NAALADL2: variants seen among roughly 807,000 people sequenced by gnomAD.
NAALADL2 encodes N-acetylated alpha-linked acidic dipeptidase like 2, also known as inactive N-acetylated-alpha-linked acidic dipeptidase-like protein 2.
In NAALADL2, 76 loss-of-function variants were observed where a neutral mutation model predicts 87.2. The observed-to-expected ratio is 0.87, with a 90% confidence interval of 0.72 to 1.05. The LOEUF (loss-of-function observed/expected upper bound fraction) is 1.05, where lower values mean the gene tolerates loss of function less well. Ranked by LOEUF, NAALADL2 falls within the 50% of genes least tolerant of loss-of-function variation. NAALADL2 has a pLI of 0.00. For missense variants in NAALADL2, 1,089 were observed against 945.8 expected (o/e 1.15, Z -1.99); for synonymous variants, 354 against 331.0 (o/e 1.07, Z -0.75).
At chr3:175,423,005 C>G (rs1715973966) in intron 5 of NAALADL2, among the ~76,000 whole-genome samples, 1 of 119,140 alleles carries the variant, frequency 8.4e-6, no homozygotes, top group Non-Finnish European at 1.7e-5. Flanking sequence ...AGAGATGGCT[C>G]CCAGGTCCTT....
chr3:175,445,698 A>G (rs1184659429), intron 5 of NAALADL2, among the ~76,000 whole-genome samples: 1 of 152,178 alleles, frequency 6.6e-6, no homozygotes, highest in Admixed American at 6.5e-5. Flanking sequence ...TATTATACAT[A>G]TTGTTCAATG....
At chr3:175,158,796 A>T (rs1390360826) in intron 2 of NAALADL2, among the ~76,000 whole-genome samples, 4 of 152,108 alleles carry the variant, frequency 2.6e-5, no homozygotes, top group Non-Finnish European at 5.9e-5. Context: ...AGTTCTTGAA[A>T]TTGTCAGAAA....
chr3:175,366,664 G>T (rs1016262098), intron 5 of NAALADL2, among the ~76,000 whole-genome samples: 3 of 151,522 alleles, frequency 2.0e-5, no homozygotes, highest in Non-Finnish European at 2.9e-5. Flanking sequence ...CTTCTTTTGA[G>T]AAGTGTCTGT....
chr3:175,128,980 C>G (rs1422129918), intron 2 of NAALADL2, among the ~76,000 whole-genome samples: 1 of 151,880 alleles, frequency 6.6e-6, no homozygotes, highest in East Asian at 1.9e-4. Flanking sequence ...ATTCTGTCAC[C>G]CAGGCTGGAA....
chr3:174,886,705 A>G (rs1730195115), intron 1 of NAALADL2, among the ~76,000 whole-genome samples: 1 of 152,202 alleles, frequency 6.6e-6, no homozygotes, highest in African/African-American at 2.4e-5. Context: ...TCTCCCATGC[A>G]TCTATAAGCC....
rs550228470 is a variant in NAALADL2 at position 174,790,640 on chromosome 3, C to T, written c.-9+52894C>T. On this transcript the variant is annotated intron_variant, in intron 3 of 3. Coordinates refer to the NAALADL2 transcript ENST00000434257. Reference sequence around the variant, plus strand: ...TCCAGCCTAGGTGACAAAAGCAAAACTCCATCTCAAAAAAAAAAAAATGTG... The same window carrying T: ...TCCAGCCTAGGTGACAAAAGCAAAATTCCATCTCAAAAAAAAAAAAATGTG... 5.3e-4 allele frequency among the ~76,000 whole-genome samples: 33 copies of T among 62,252 alleles called. No homozygotes were observed. The East Asian group carries it at 0.022, about 41-fold the overall frequency. The allele number at this position is 62,252 out of a possible 152,430, so 40.8% of individuals were successfully genotyped here.
intron 2 of NAALADL2, among the ~76,000 whole-genome samples, chr3:174,657,541 C>G (rs1165592192): frequency 1.3e-5 from 2 of 152,076 alleles, no homozygotes; most frequent in African/African-American, 4.8e-5. Flanking sequence ...ATCCCATATG[C>G]CTGTGCCCCC....
intron 2 of NAALADL2, among the ~76,000 whole-genome samples, chr3:175,190,935 G>A (rs534589395): frequency 1.1e-4 from 16 of 144,084 alleles, no homozygotes; most frequent in African/African-American, 4.1e-4. Flanking sequence ...CCGAGATGGA[G>A]CCACTGCACT....
intron 5 of NAALADL2, among the ~76,000 whole-genome samples, chr3:175,329,683 C>T (rs1248473168): frequency 6.6e-6 from 1 of 152,046 alleles, no homozygotes; most frequent in African/African-American, 2.4e-5. Context: ...TCTGGTGGTT[C>T]TTATATGTGC....
intron 2 of NAALADL2, among the ~76,000 whole-genome samples, chr3:175,134,841 A>T (rs535106161): frequency 6.6e-6 from 1 of 152,198 alleles, no homozygotes; most frequent in Non-Finnish European, 1.5e-5. Flanking sequence ...AAGATAACTG[A>T]TTTTTTAAAA....
intron 3 of NAALADL2, among the ~76,000 whole-genome samples, chr3:174,755,335 T>C (rs531007578): frequency 2.0e-5 from 3 of 152,330 alleles, no homozygotes; most frequent in Non-Finnish European, 4.4e-5. Flanking sequence ...TATTTCTTTA[T>C]AGCAGTGTGA....
intron 2 of NAALADL2, among the ~76,000 whole-genome samples, chr3:175,133,612 C>G (rs545800564): frequency 4.6e-5 from 7 of 152,170 alleles, no homozygotes; most frequent in East Asian, 1.9e-4. Context: ...ATCGCAGGCA[C>G]TCGGCAGGCT....
intron 9 of NAALADL2, among the ~76,000 whole-genome samples, chr3:175,507,031 A>G (rs1357389097): frequency 2.6e-5 from 4 of 151,676 alleles, no homozygotes; most frequent in Non-Finnish European, 5.9e-5. Flanking sequence ...CTTCTCCCAC[A>G]TCCTCAGTCA....
At chr3:175,184,606 A>G (rs1207095615) in intron 2 of NAALADL2, among the ~76,000 whole-genome samples, 3 of 151,992 alleles carry the variant, frequency 2.0e-5, no homozygotes, top group African/African-American at 7.2e-5. Flanking sequence ...AAATAAGTGA[A>G]GATAATTAAA....
Position 174,901,329 on chromosome 3 carries a change from G to C in NAALADL2, c.43+41879G>C, listed in dbSNP as rs187947934. Among the ~76,000 whole-genome samples the C allele has an allele frequency of 3.9e-3, 595 of 152,272 alleles. 5 individuals are homozygous for C. Among genetic ancestry groups the C allele is most frequent in the Non-Finnish European group, 6.1e-3 (414 of 68,018 alleles). On this transcript the variant is annotated intron_variant, in intron 1 of 13. Transcript: ENST00000454872. ...ATTGATTATCTGAGATATAGATGGA[G>C]CTTGTGAGAAGTACATGAGCCCTGT...
intron 3 of NAALADL2, among the ~76,000 whole-genome samples, chr3:174,793,785 G>A (rs1287242284): frequency 6.6e-6 from 1 of 150,394 alleles, no homozygotes; most frequent in Non-Finnish European, 1.5e-5. Flanking sequence ...TTTGAAAAAA[G>A]TTTTATGTTA....
chr3:174,924,456 T>C (rs1735689415), intron 1 of NAALADL2, among the ~76,000 whole-genome samples: 1 of 152,100 alleles, frequency 6.6e-6, no homozygotes. Context: ...TAATCCAGTC[T>C]ATCATTGACG....
chr3:174,536,588 G>T (rs886607951), intron 1 of NAALADL2: 3 of 152,084 alleles, frequency 2.0e-5, no homozygotes, highest in African/African-American at 7.2e-5. Context: ...TGTCAGCTTT[G>T]TCACAAACTG....
chr3:174,745,609 A>G (rs968757050), intron 3 of NAALADL2, among the ~76,000 whole-genome samples: 4 of 152,162 alleles, frequency 2.6e-5, no homozygotes, highest in Non-Finnish European at 5.9e-5. Flanking sequence ...GCATCCTGAC[A>G]TCAAAACCTG....
Sources: allele counts gnomAD v4.1 joint callset (sites outside exome capture counted in the v4.1 genomes callset), GRCh38; gene constraint gnomAD v4.1.1; transcripts MANE v1.5; gene names NCBI Gene and HGNC (gene_info 2026-07-23, HGNC 2026-07-21).